The following PID1 variants were observed in gnomAD, a reference collection of about 807,000 sequenced individuals.
PID1 encodes the protein PTB-containing, cubilin and LRP1-interacting protein.
Under a neutral mutation model 19.1 loss-of-function variants are expected in PID1, and 10 were observed. The ratio of observed to expected loss-of-function variants is 0.52; its 90% CI spans 0.32 to 0.89. The LOEUF is 0.89. PID1 is among the 40% of genes least tolerant of loss of function. The pLI is 0.03. For synonymous variants in PID1, 130 were observed against 116.0 expected (o/e 1.12, Z -0.78); for missense variants, 248 against 285.3 (o/e 0.87, Z 0.94).
At chr2:229,178,208 C>T (rs1049989712) in intron 1 of PID1, among the ~76,000 whole-genome samples, 5 of 152,258 alleles carry the variant, frequency 3.3e-5, no homozygotes, top group East Asian at 1.9e-4. Flanking sequence ...ATACTTGAGG[C>T]GAACATGAAT....
intron 2 of PID1, among the ~76,000 whole-genome samples, chr2:229,129,056 A>G (rs1358825115): frequency 1.3e-5 from 2 of 152,204 alleles, no homozygotes; most frequent in Non-Finnish European, 2.9e-5. Context: ...ATAAATAAAT[A>G]ACGAGATAAA....
intron 1 of PID1, among the ~76,000 whole-genome samples, chr2:229,195,462 CATAT>C (rs1462948299): frequency 4.0e-5 from 6 of 151,742 alleles, no homozygotes; most frequent in African/African-American, 1.5e-4. Flanking sequence ...CATATACATA[CATAT>C]ATTCATATTT....
Position 229,025,536 on chromosome 2 carries a change from G to A in PID1, c.*96C>T. The A allele has an allele frequency of 1.1e-6, 1 of 875,154 alleles. No individual in the cohort carries two copies. The highest frequency in any genetic ancestry group is 1.8e-6 in the Non-Finnish European group (1 of 546,606). The allele number at this position is 875,154 out of a possible 1,614,324, so 54.2% of individuals were successfully genotyped here. On this transcript the variant is annotated 3_prime_UTR_variant, in exon 3 of 3. Coordinates refer to ENST00000392055, the MANE Select transcript of PID1 (RefSeq NM_001100818.2). ...AAAACCTTGGTCAGCCAATAGTTTG[G>A]CAGTCTTTTCATCCCAAATTTGAAA...
At chr2:229,114,031 T>C (rs1227096978) in intron 2 of PID1, among the ~76,000 whole-genome samples, 1 of 152,008 alleles carries the variant, frequency 6.6e-6, no homozygotes, top group Non-Finnish European at 1.5e-5. Flanking sequence ...GAAGAAGTAA[T>C]GCGTCAACAT....
intron 1 of PID1, among the ~76,000 whole-genome samples, chr2:229,197,950 G>T (rs969156150): frequency 6.6e-6 from 1 of 151,948 alleles, no homozygotes. Context: ...TAGTATTCCG[G>T]CTCAAAACCT....
At chr2:229,148,779 G>C (rs1167953633) in intron 2 of PID1, among the ~76,000 whole-genome samples, 1 of 151,140 alleles carries the variant, frequency 6.6e-6, no homozygotes, top group Non-Finnish European at 1.5e-5. Flanking sequence ...AGGGAGGGAA[G>C]AAGGAAGGGA....
chr2:229,081,000 G>A (rs920533211), intron 2 of PID1, among the ~76,000 whole-genome samples: 7 of 152,092 alleles, frequency 4.6e-5, no homozygotes, highest in Admixed American at 4.6e-4. Context: ...GGATGCTAGT[G>A]GCAAAGGATA....
intron 2 of PID1, among the ~76,000 whole-genome samples, chr2:229,127,614 T>C (rs534499014): frequency 2.6e-5 from 4 of 152,254 alleles, no homozygotes; most frequent in Middle Eastern, 3.4e-3. Flanking sequence ...AAATCATTCT[T>C]TGTGGCACGG....
chr2:229,025,519 G>T lies in PID1; in HGVS notation c.*113C>A. On this transcript the variant is annotated 3_prime_UTR_variant, in exon 3 of 3. Coordinates refer to ENST00000392055, the MANE Select transcript of PID1 (RefSeq NM_001100818.2). ...TTGCTCTTCTGAATTTAAAAACCTT[G>T]GTCAGCCAATAGTTTGGCAGTCTTT... The T allele has an allele frequency of 1.3e-6, 1 of 751,656 alleles. No individual in the cohort carries two copies. 46.6% of individuals were successfully genotyped at this position (751,656 alleles called of 1,614,324 possible).
chr2:229,206,106 A>G (rs1314813327), intron 1 of PID1, among the ~76,000 whole-genome samples: 1 of 152,138 alleles, frequency 6.6e-6, no homozygotes, highest in Non-Finnish European at 1.5e-5. Flanking sequence ...TCTTACTCAG[A>G]CCAAAAAATA....
chr2:229,106,848 G>C (rs1185831497), intron 2 of PID1, among the ~76,000 whole-genome samples: 1 of 152,162 alleles, frequency 6.6e-6, no homozygotes, highest in Non-Finnish European at 1.5e-5. Context: ...GGATGCAGTG[G>C]ATTGCATGAT....
At chr2:229,193,219 T>C (rs950325100) in intron 1 of PID1, among the ~76,000 whole-genome samples, 2 of 152,174 alleles carry the variant, frequency 1.3e-5, no homozygotes, top group African/African-American at 4.8e-5. Context: ...TCATTCACAG[T>C]TGAATCTCTT....
chr2:229,039,968 A>G (rs1241052559), intron 2 of PID1, among the ~76,000 whole-genome samples: 1 of 152,204 alleles, frequency 6.6e-6, no homozygotes, highest in Non-Finnish European at 1.5e-5. Context: ...TTGTAATCAT[A>G]AGATACATAA....
At chr2:229,041,427 T>G (rs1045647162) in intron 2 of PID1, among the ~76,000 whole-genome samples, 1 of 152,018 alleles carries the variant, frequency 6.6e-6, no homozygotes, top group East Asian at 1.9e-4. Context: ...TTGATATAAA[T>G]AGATAAATGA....
At chr2:229,258,273 G>A (rs550242857) in intron 1 of PID1, among the ~76,000 whole-genome samples, 2 of 152,294 alleles carry the variant, frequency 1.3e-5, no homozygotes, top group East Asian at 3.9e-4. Context: ...CCTTTGGTCT[G>A]GATTTGTTCT....
chr2:229,089,964 T>C (rs1694838456), intron 2 of PID1, among the ~76,000 whole-genome samples: 1 of 152,136 alleles, frequency 6.6e-6, no homozygotes, highest in South Asian at 2.1e-4. Context: ...GTTTTCTAAG[T>C]AAGTAAAAAA....
intron 1 of PID1, among the ~76,000 whole-genome samples, chr2:229,226,186 C>T (rs1341430572): frequency 6.6e-6 from 1 of 152,146 alleles, no homozygotes. Context: ...ATTGGTGAGC[C>T]AACCCTTCAG....
rs796992081 is a variant in PID1, at chr2:229,163,650, AGTGT to A, written c.31-7690_31-7687del. Among the ~76,000 whole-genome samples the A allele has an allele frequency of 1.2e-3, 172 of 141,060 alleles. 2 individuals carry two copies. The highest frequency in any genetic ancestry group is 3.5e-3 in the Admixed American group (50 of 14,274). The allele number at this position is 141,060 out of a possible 152,430, so 92.5% of individuals were successfully genotyped here. ...GAGAGAGACAGAGGGAGAGAGAGAG[AGTGT>A]GTGTGTGTGTGTGTGTGTGTGCGTG... On this transcript the variant is annotated intron_variant, in intron 1 of 2. Transcript: ENST00000392055.
intron 1 of PID1, among the ~76,000 whole-genome samples, chr2:229,187,758 C>T (rs1049264072): frequency 6.6e-6 from 1 of 152,208 alleles, no homozygotes; most frequent in Non-Finnish European, 1.5e-5. Context: ...CAAAAATCCT[C>T]TTTCGAATCC....
Sources: gnomAD v4.1 joint callset for allele counts (sites outside exome capture counted in the v4.1 genomes callset) on GRCh38, gnomAD v4.1.1 for gene constraint, MANE v1.5 for transcripts, NCBI Gene and HGNC (gene_info 2026-07-23, HGNC 2026-07-21) for gene names.